The following CSMD1 variants were observed in gnomAD, a reference collection of about 807,000 sequenced individuals.
CSMD1 encodes CUB and Sushi multiple domains 1.
A neutral mutation model predicts 417.5 loss-of-function variants in CSMD1; 213 were observed. The ratio of observed to expected loss-of-function variants is 0.51; its 90% CI spans 0.46 to 0.57. CSMD1 has a LOEUF of 0.57. CSMD1 is among the 20% of genes least tolerant of loss of function. The pLI, the probability that CSMD1 is intolerant of heterozygous loss-of-function variation, is 0.00. For synonymous variants in CSMD1, 2,862 were observed against 1,736.8 expected, an observed-to-expected ratio of 1.65 and a Z score of -16.11; for missense variants, 6,923 against 4,529.7, an observed-to-expected ratio of 1.53 and a Z score of -15.17.
In CSMD1 at chr8:3,142,490, C is replaced by A; in HGVS notation, c.6216G>T (p.Arg2072=). ...CTTGGTAAGCAAGTTTAAATCCTTG[C>A]CGGTTTTGCGAATGGTCACTATAAA... ...IHFYSDHSQN[R]QGFKLAYQAY... is the part of the protein sequence containing the mutation. The change falls in exon 41 of 70, where the codon CGG becomes CGT. Residue 2072 remains arginine (R), a synonymous_variant. Transcript: ENST00000635120. The A allele has an allele frequency of 6.2e-7, 1 of 1,613,744 alleles. No homozygotes were observed.
chr8:4,347,883 C>T (rs1584936618), intron 3 of CSMD1, among the ~76,000 whole-genome samples: 1 of 151,486 alleles, frequency 6.6e-6, no homozygotes, highest in Non-Finnish European at 1.5e-5. Context: ...AAAGTTAATC[C>T]ATGATAAGAA....
intron 10 of CSMD1, among the ~76,000 whole-genome samples, chr8:3,544,655 C>T (rs1359854603): frequency 6.6e-6 from 1 of 152,128 alleles, no homozygotes; most frequent in Non-Finnish European, 1.5e-5. Context: ...ACAGCTTGGC[C>T]ACCACTGCAG....
intron 10 of CSMD1, among the ~76,000 whole-genome samples, chr8:3,538,520 A>ACCTGCGATGCCTCG (rs1457358609): frequency 6.6e-6 from 1 of 151,646 alleles, no homozygotes; most frequent in Non-Finnish European, 1.5e-5. Context: ...GAGATGCCCC[A>ACCTGCGATGCCTCG]CCTGCGATGC....
chr8:3,789,089 G>T (rs1418680949), intron 5 of CSMD1, among the ~76,000 whole-genome samples: 2 of 152,092 alleles, frequency 1.3e-5, no homozygotes, highest in South Asian at 2.1e-4. Flanking sequence ...CACCAACATG[G>T]GGGGATTAGG....
chr8:4,813,456 AC>A (rs1799021708), intron 1 of CSMD1, among the ~76,000 whole-genome samples: 1 of 152,210 alleles, frequency 6.6e-6, no homozygotes, highest in South Asian at 2.1e-4. Context: ...CTTCCTAGAT[AC>A]AACAGAACGT....
intron 7 of CSMD1, among the ~76,000 whole-genome samples, chr8:3,619,306 C>A (rs1802301912): frequency 6.6e-6 from 1 of 152,080 alleles, no homozygotes; most frequent in Non-Finnish European, 1.5e-5. Flanking sequence ...CGTTCAGAGG[C>A]CCACTAATTA....
At chr8:3,903,013 G>T (rs1038482688) in intron 5 of CSMD1, among the ~76,000 whole-genome samples, 3 of 152,076 alleles carry the variant, frequency 2.0e-5, no homozygotes, top group Non-Finnish European at 4.4e-5. Flanking sequence ...TACGATGAAT[G>T]CACGTTTCTG....
intron 17 of CSMD1, among the ~76,000 whole-genome samples, chr8:3,388,713 T>C (rs946045461): frequency 2.0e-5 from 3 of 152,224 alleles, no homozygotes; most frequent in African/African-American, 7.2e-5. Flanking sequence ...AACACATGTC[T>C]ATTGCCCTAA....
chr8:4,334,742 A>G (rs1337004753), intron 3 of CSMD1, among the ~76,000 whole-genome samples: 2 of 152,162 alleles, frequency 1.3e-5, no homozygotes, highest in South Asian at 2.1e-4. Context: ...CTTGAACGAT[A>G]CGCTCGACTC....
intron 3 of CSMD1, among the ~76,000 whole-genome samples, chr8:4,151,278 T>C (rs1397838277): frequency 1.3e-5 from 2 of 152,230 alleles, no homozygotes; most frequent in Non-Finnish European, 2.9e-5. Flanking sequence ...CTTTAGACCA[T>C]GCATGTGTAA....
intron 3 of CSMD1, among the ~76,000 whole-genome samples, chr8:4,050,018 CA>C (rs1162247303): frequency 5.3e-5 from 8 of 152,132 alleles, no homozygotes; most frequent in Non-Finnish European, 1.2e-4. Flanking sequence ...TGATGGTTTT[CA>C]GAAGTTGCGG....
Position 3,408,005 on chromosome 8 carries a change from A to T in CSMD1, c.1965T>A (p.Ser655=). Residue 655 remains serine, a synonymous_variant, in exon 14 of 70, where the codon TCT becomes TCA. Transcript: ENST00000635120. ...ISDITVLGTF[S]GNEVPSQLAS... ...CCAGCTGGGAAGGCACTTCATTGCC[A>T]GAAAAAGTACCCAGGACAGTTATGT... The T allele has an allele frequency of 6.2e-7, 1 of 1,613,976 alleles. No homozygotes were observed. The highest frequency in any genetic ancestry group is 8.5e-7 in the Non-Finnish European group (1 of 1,179,880).
At chr8:3,645,197 A>G (rs13273027) in intron 7 of CSMD1, among the ~76,000 whole-genome samples, 48,741 of 151,956 alleles carry the variant, frequency 0.32, 8,511 homozygotes, top group Middle Eastern at 0.41. Flanking sequence ...GTCCTGGGCC[A>G]TGCAAGAAAC....
intron 10 of CSMD1, among the ~76,000 whole-genome samples, chr8:3,534,439 T>C (rs1424896996): frequency 6.6e-6 from 1 of 151,220 alleles, no homozygotes; most frequent in Admixed American, 6.6e-5. Flanking sequence ...GCAAAGTGCC[T>C]ATCAGCATGT....
At chr8:3,196,998 C>T (rs780828026) in intron 33 of CSMD1, among the ~76,000 whole-genome samples, 3 of 152,180 alleles carry the variant, frequency 2.0e-5, no homozygotes, top group Non-Finnish European at 2.9e-5. Context: ...ACACCTTCTT[C>T]TCTCATGCTT....
At chr8:3,894,344 T>C (rs1167024064) in intron 5 of CSMD1, among the ~76,000 whole-genome samples, 1 of 152,140 alleles carries the variant, frequency 6.6e-6, no homozygotes, top group African/African-American at 2.4e-5. Context: ...ATTTTTTCTA[T>C]CACGAGGATT....
intron 3 of CSMD1, among the ~76,000 whole-genome samples, chr8:4,259,937 T>C (rs183472366): frequency 1.4e-4 from 21 of 152,208 alleles, no homozygotes; most frequent in Non-Finnish European, 2.6e-4. Flanking sequence ...ATTATATCCA[T>C]TTTGCTAACA....
At chr8:3,707,176 G>A (rs1031923318) in intron 7 of CSMD1, among the ~76,000 whole-genome samples, 6 of 152,174 alleles carry the variant, frequency 3.9e-5, no homozygotes, top group African/African-American at 1.4e-4. Flanking sequence ...ATCCTAAAGT[G>A]ATAAAGATGT....
intron 3 of CSMD1, among the ~76,000 whole-genome samples, chr8:4,337,857 T>G (rs185070916): frequency 6.3e-4 from 96 of 152,296 alleles, no homozygotes; most frequent in Non-Finnish European, 1.0e-3. Context: ...TCGTAAAGAC[T>G]TTAAGAGTAA....
Sources: gnomAD v4.1 joint callset for allele counts (sites outside exome capture counted in the v4.1 genomes callset) on GRCh38, gnomAD v4.1.1 for gene constraint, MANE v1.5 for transcripts, NCBI Gene and HGNC (gene_info 2026-07-23, HGNC 2026-07-21) for gene names.